The following OR56A3 variants were observed in gnomAD, a reference collection of about 807,000 sequenced individuals.
OR56A3 encodes olfactory receptor 56A3.
OR56A3 carries 23 observed loss-of-function variants against 17.5 expected under a neutral mutation model. The observed-to-expected ratio is 1.32, with a 90% CI of 0.95 to 1.87. The LOEUF is 1.87. Among genes scored for constraint, OR56A3 ranks in the 40% most tolerant of loss-of-function variants. OR56A3 has a pLI of 0.00. For missense variants in OR56A3, 366 were observed against 380.1 expected, an observed-to-expected ratio of 0.96 and a Z score of 0.31; for synonymous variants, 175 against 150.6, an observed-to-expected ratio of 1.16 and a Z score of -1.19.
the OR56A3 span, among the ~76,000 whole-genome samples, chr11:5,969,142 T>C: frequency 6.6e-6 from 1 of 152,170 alleles, no homozygotes; most frequent in African/African-American, 2.4e-5. Flanking sequence ...ATCCTAGACA[T>C]ATTTAATCCA....
chr11:5,961,078 C>A, the OR56A3 span, among the ~76,000 whole-genome samples: 6 of 151,866 alleles, frequency 4.0e-5, no homozygotes, highest in East Asian at 1.2e-3. Flanking sequence ...GCAGCCGCCC[C>A]ATCCGGGAGC....
chr11:5,996,684 A>G, the OR56A3 span, among the ~76,000 whole-genome samples: 1 of 152,246 alleles, frequency 6.6e-6, no homozygotes, highest in Non-Finnish European at 1.5e-5. Context: ...AAACAACTAC[A>G]GCTTCAGATA....
At chr11:5,986,012 G>A in the OR56A3 span, 3 of 1,613,200 alleles carry the variant, frequency 1.9e-6, no homozygotes, top group African/African-American at 4.0e-5. Context: ...TAGACAAGAG[G>A]ATTGAGCGCA....
chr11:5,990,589 A>G, the OR56A3 span, among the ~76,000 whole-genome samples: 5 of 152,150 alleles, frequency 3.3e-5, 1 homozygote, highest in African/African-American at 1.2e-4. Flanking sequence ...CTCCTTCTTA[A>G]CAGTGGCCTG....
At chr11:5,965,834 TA>T in the OR56A3 span, among the ~76,000 whole-genome samples, 2 of 152,216 alleles carry the variant, frequency 1.3e-5, no homozygotes, top group South Asian at 4.1e-4. Context: ...AAGATGGGCA[TA>T]ATTTTCCAAA....
the OR56A3 span, among the ~76,000 whole-genome samples, chr11:6,011,682 G>A: frequency 6.6e-6 from 1 of 152,088 alleles, no homozygotes; most frequent in South Asian, 2.1e-4. Flanking sequence ...GGGCCCACTC[G>A]GCTCGTTCTG....
At chr11:5,982,527 C>T in the OR56A3 span, among the ~76,000 whole-genome samples, 2 of 152,074 alleles carry the variant, frequency 1.3e-5, no homozygotes, top group African/African-American at 4.8e-5. Context: ...TGCTGGGACC[C>T]AGAAAGAGGC....
chr11:5,971,019 G>C, the OR56A3 span, among the ~76,000 whole-genome samples: 6 of 152,190 alleles, frequency 3.9e-5, no homozygotes. Flanking sequence ...GGCAAGCCAC[G>C]AGGAGAAGCT....
the OR56A3 span, among the ~76,000 whole-genome samples, chr11:6,016,536 A>C: frequency 6.6e-6 from 1 of 152,164 alleles, no homozygotes; most frequent in Non-Finnish European, 1.5e-5. Context: ...GAATCTTAAA[A>C]AAAATGAAAA....
the OR56A3 span, among the ~76,000 whole-genome samples, chr11:5,971,646 T>C: frequency 1.9e-4 from 29 of 152,342 alleles, no homozygotes; most frequent in East Asian, 3.3e-3. Context: ...GATGGAGTTA[T>C]AGACATAAAT....
chr11:5,976,109 C>A, the OR56A3 span, among the ~76,000 whole-genome samples: 1 of 151,506 alleles, frequency 6.6e-6, no homozygotes, highest in Non-Finnish European at 1.5e-5. Flanking sequence ...TTGTCTTGGG[C>A]TTGTCTCTAG....
the OR56A3 span, chr11:6,001,081 G>A: frequency 6.6e-6 from 1 of 152,210 alleles, no homozygotes; most frequent in Non-Finnish European, 1.5e-5. Context: ...GCATCATTAA[G>A]AAGGAAATGC....
At chr11:5,994,423 G>A in the OR56A3 span, 11 of 730,182 alleles carry the variant, frequency 1.5e-5, no homozygotes, top group Admixed American at 1.7e-4. Context: ...TGTCTGCCAT[G>A]ATCTTGGCAT....
the OR56A3 span, chr11:6,001,997 C>T: frequency 2.0e-6 from 3 of 1,468,862 alleles, no homozygotes; most frequent in Admixed American, 4.9e-5. Context: ...TCCCTATTTC[C>T]CAATTTTCAC....
the OR56A3 span, among the ~76,000 whole-genome samples, chr11:5,998,511 AC>A: frequency 6.6e-6 from 1 of 152,218 alleles, no homozygotes; most frequent in Non-Finnish European, 1.5e-5. Context: ...AAGGGAAGGG[AC>A]TATCACTCTT....
chr11:5,959,593 T>G, the OR56A3 span, among the ~76,000 whole-genome samples: 34 of 152,322 alleles, frequency 2.2e-4, no homozygotes, highest in African/African-American at 7.7e-4. Context: ...TTTCTTCCAT[T>G]TAGCTCTTCA....
the OR56A3 span, chr11:5,987,058 G>A: frequency 2.5e-6 from 2 of 814,608 alleles, no homozygotes; most frequent in Non-Finnish European, 1.9e-6. Context: ...ATCTCCTTTG[G>A]TGGAGATAAT....
chr11:5,983,074 AG>A, the OR56A3 span, among the ~76,000 whole-genome samples: 18 of 152,024 alleles, frequency 1.2e-4, no homozygotes, highest in Admixed American at 5.9e-4. Context: ...GTGTCTAGTC[AG>A]CCATATTGGC....
chr11:5,975,077 T>G, the OR56A3 span, among the ~76,000 whole-genome samples: 1 of 152,222 alleles, frequency 6.6e-6, no homozygotes, highest in East Asian at 1.9e-4. Context: ...AATATGTATT[T>G]TTTTCTCAGT....
Sources: gnomAD v4.1 joint callset for allele counts (sites outside exome capture counted in the v4.1 genomes callset) on GRCh38, gnomAD v4.1.1 for gene constraint, MANE v1.5 for transcripts, NCBI Gene and HGNC (gene_info 2026-07-23, HGNC 2026-07-21) for gene names.